The following AKAP13 variants were observed in gnomAD, a reference collection of about 807,000 sequenced individuals.
The protein encoded by AKAP13 is A-kinase anchor protein 13.
AKAP13 carries 80 observed loss-of-function variants against 264.5 expected under a neutral mutation model. The ratio of observed to expected loss-of-function variants is 0.30; its 90% CI spans 0.25 to 0.36. AKAP13 has a LOEUF of 0.36. Among genes scored for constraint, AKAP13 ranks in the 10% least tolerant of loss-of-function variants. AKAP13 has a pLI of 1.00. For missense variants in AKAP13, 3,712 were observed against 3,435.2 expected (o/e 1.08, Z -2.01); for synonymous variants, 1,380 against 1,250.2 (o/e 1.10, Z -2.19).
intron 21 of AKAP13, 65 bp downstream of exon 21, chr15:85,717,467 A>T: frequency 1.7e-6 from 2 of 1,146,642 alleles, no homozygotes; most frequent in Admixed American, 4.4e-5. Flanking sequence ...CATTACCTAG[A>T]ACATAAGTCT....
chr15:85,599,940 C>T (rs942446031), intron 8 of AKAP13, among the ~76,000 whole-genome samples: 2 of 152,078 alleles, frequency 1.3e-5, no homozygotes, highest in Admixed American at 6.6e-5. Context: ...CTTGGAGTCA[C>T]CCTATTGGTT....
chr15:85,434,300 C>T (rs1224851019), intron 1 of AKAP13, among the ~76,000 whole-genome samples: 1 of 152,234 alleles, frequency 6.6e-6, no homozygotes, highest in Non-Finnish European at 1.5e-5. Context: ...TTATATCCCA[C>T]ACCTGGCTCG....
chr15:85,581,237 C>T lies in AKAP13; in HGVS notation c.3169C>T (p.Leu1057Phe), dbSNP rs2079138040. ...AGATGGGTCTGATGGGTCCGATGCT[C>T]TTAACTGCAGTCAGCCTTCTCCTCT... ...LPDGSDGSDALNCSQPSPLDV... is the reference protein window; with the variant it reads ...LPDGSDGSDAFNCSQPSPLDV... The change falls in exon 7 of 37, where the codon CTT (leucine) becomes TTT (phenylalanine). Residue 1057 changes from leucine (L) to phenylalanine (F), a missense_variant. Around this residue, in one of 3 missense-constraint regions of AKAP13, gnomAD observed 2,759 missense variants for 2,411.7 expected, o/e 1.14. Transcript: ENST00000394518. 1.9e-6 allele frequency: 3 copies of T among 1,614,190 alleles called. No homozygotes were observed. The highest frequency in any genetic ancestry group is 1.7e-6 in the Non-Finnish European group (2 of 1,180,030).
chr15:85,697,397 C>T (rs1253119500), intron 17 of AKAP13, among the ~76,000 whole-genome samples: 2 of 152,056 alleles, frequency 1.3e-5, no homozygotes, highest in African/African-American at 2.4e-5. Flanking sequence ...GGTGAAACCC[C>T]GTCTCTACTA....
intron 8 of AKAP13, among the ~76,000 whole-genome samples, chr15:85,628,246 A>G (rs1283723114): frequency 3.3e-5 from 5 of 152,196 alleles, no homozygotes; most frequent in Non-Finnish European, 4.4e-5. Flanking sequence ...TACTATGCCA[A>G]TTGTAATCAG....
In AKAP13 at chr15:85,579,729, C is replaced by G. The variant is rs145602546; in HGVS notation, c.1661C>G (p.Ala554Gly). Residue 554 changes from alanine to glycine, a missense_variant, in exon 7 of 37, where the codon GCA becomes GGA. By Grantham distance (60) the Ala-to-Gly change is moderately conservative. Around this residue, in one of 3 missense-constraint regions of AKAP13, gnomAD observed 2,759 missense variants for 2,411.7 expected, o/e 1.14. Coordinates refer to ENST00000394518, the MANE Select transcript of AKAP13 (RefSeq NM_007200.5). ...AACAAACCTGCTGAGTCTTCACTTG[C>G]ATTTAGTAATGAAGAAACCTCCACT... is the stretch of plus-strand genomic sequence containing the variant. The part of the protein sequence containing the change: ...DGNKPAESSL[A>G]FSNEETSTEK... The G allele has an allele frequency of 1.4e-4, 224 of 1,614,194 alleles. No homozygotes were observed. The African/African-American group carries it at 2.8e-3, about 20-fold the overall frequency.
rs11311086 is a variant in AKAP13, at chr15:85,561,051, A to ATTT, written c.663-14057_663-14055dup. On this transcript the variant is annotated intron_variant, in intron 5 of 36. Coordinates refer to ENST00000394518, the MANE Select transcript of AKAP13 (RefSeq NM_007200.5). ...TGTGATATGCCATCTGGATGTAAGGATTTTTTTTTTTTTTTTTTTTTTTTT... is the reference window on the plus strand; with the variant it reads ...TGTGATATGCCATCTGGATGTAAGGATTTTTTTTTTTTTTTTTTTTTTTTTTTT... Among the ~76,000 whole-genome samples the ATTT allele has an allele frequency of 1.7e-4, 19 of 109,490 alleles. No individual in the cohort carries two copies. The South Asian group carries it at 2.6e-3, about 15-fold the overall frequency. 71.8% of individuals were successfully genotyped at this position (109,490 alleles called of 152,430 possible).
At chr15:85,426,799 C>T (rs1183450218) in intron 1 of AKAP13, among the ~76,000 whole-genome samples, 2 of 152,128 alleles carry the variant, frequency 1.3e-5, no homozygotes, top group East Asian at 3.8e-4. Flanking sequence ...AATGTATTTT[C>T]TGATGATATC....
chr15:85,613,713 T>TATGTGTG (rs1254657975), intron 8 of AKAP13, among the ~76,000 whole-genome samples: 1 of 110,986 alleles, frequency 9.0e-6, no homozygotes, highest in African/African-American at 3.4e-5. Flanking sequence ...TATATATATA[T>TATGTGTG]TAGGAGTGCT....
chr15:85,442,460 T>TATATAATATATATTATATAATATATATA (rs2073706671), intron 1 of AKAP13, among the ~76,000 whole-genome samples: 2 of 121,244 alleles, frequency 1.6e-5, no homozygotes, highest in Non-Finnish European at 3.5e-5. Context: ...ACATATATAA[T>TATATAATATATATTATATAATATATATA]ATACATAATA....
intron 1 of AKAP13, among the ~76,000 whole-genome samples, chr15:85,418,380 CCTTTTGTACCATCTT>C (rs2072345344): frequency 6.6e-6 from 1 of 152,136 alleles, no homozygotes; most frequent in African/African-American, 2.4e-5. Flanking sequence ...CCATGCCTGG[CCTTTTGTACCATCTT>C]CAAAGTCAGT....
rs188624176 is a variant in AKAP13 at position 85,662,285 on chromosome 15, C to T, written c.4800-2278C>T. Reference sequence around the variant, plus strand: ...AAATTTTTTGTTGATCGCATAAATCCGTCTGTCTCTAACTATGCCCTTCGT... The same window carrying T: ...AAATTTTTTGTTGATCGCATAAATCTGTCTGTCTCTAACTATGCCCTTCGT... On this transcript the variant is annotated intron_variant, in intron 12 of 36. Coordinates refer to ENST00000394518, the MANE Select transcript of AKAP13 (RefSeq NM_007200.5). 41 of 1,130,696 alleles carry T rather than the reference C, an allele frequency of 3.6e-5. No individual in the cohort carries two copies. The East Asian group carries it at 5.3e-4, about 15-fold the overall frequency. The allele number at this position is 1,130,696 out of a possible 1,614,324, so 70.0% of individuals were successfully genotyped here.
At chr15:85,461,816 A>G (rs143510183) in intron 1 of AKAP13, among the ~76,000 whole-genome samples, 3 of 152,234 alleles carry the variant, frequency 2.0e-5, no homozygotes, top group East Asian at 1.9e-4. Flanking sequence ...TTTTGTAGTA[A>G]AGCTAAGATG....
chr15:85,739,235 G>GGT (rs1270260707), intron 33 of AKAP13, among the ~76,000 whole-genome samples: 2 of 152,252 alleles, frequency 1.3e-5, no homozygotes, highest in Admixed American at 1.3e-4. Context: ...TGCAGTGCTT[G>GGT]GTACTACCCA....
rs112326081 is a variant in AKAP13, at chr15:85,395,801, C to T, written c.-12+15003C>T. Among the ~76,000 whole-genome samples, 1,182 of 151,980 alleles carry T rather than the reference C, an allele frequency of 7.8e-3. 11 individuals are homozygous for T. Among genetic ancestry groups the T allele is most frequent in the Middle Eastern group, 0.058 (17 of 292 alleles). ...TTGCCCAGTGTTCATTTCCTTTCCC[C>T]GGTTAATCTAGTAGGATGTACTGTC... On this transcript the variant is annotated intron_variant, in intron 1 of 36. Coordinates refer to ENST00000394518, the MANE Select transcript of AKAP13 (RefSeq NM_007200.5).
At chr15:85,426,478 A>G (rs1192118769) in intron 1 of AKAP13, among the ~76,000 whole-genome samples, 1 of 150,258 alleles carries the variant, frequency 6.7e-6, no homozygotes, top group Non-Finnish European at 1.5e-5. Context: ...CAGTCTGTGG[A>G]TAAGTTTTTG....
At chr15:85,531,641 G>A (rs1192545093) in intron 3 of AKAP13, among the ~76,000 whole-genome samples, 2 of 152,042 alleles carry the variant, frequency 1.3e-5, no homozygotes, top group Non-Finnish European at 2.9e-5. Flanking sequence ...CATAAATACC[G>A]CATATACATT....
At chr15:85,555,534 G>T in intron 5 of AKAP13, 1 of 1,184,796 alleles carries the variant, frequency 8.4e-7, no homozygotes, top group Non-Finnish European at 1.1e-6. Flanking sequence ...AATCTTCATT[G>T]TTTATTCTCT....
chr15:85,690,273 G>A (rs896662657), intron 16 of AKAP13, among the ~76,000 whole-genome samples: 3 of 152,196 alleles, frequency 2.0e-5, no homozygotes, highest in Non-Finnish European at 1.5e-5. Context: ...GGCTTGAGAG[G>A]ATAAGCTGGT....
Sources: gnomAD v4.1 joint callset for allele counts (sites outside exome capture counted in the v4.1 genomes callset) on GRCh38, gnomAD v4.1.1 for gene constraint, gnomAD v4.1.1 regional missense constraint, MANE v1.5 for transcripts, NCBI Gene and HGNC (gene_info 2026-07-23, HGNC 2026-07-21) for gene names.